The following CACNG3 variants were observed in gnomAD, a reference collection of about 807,000 sequenced individuals.
CACNG3 encodes the protein voltage-dependent calcium channel gamma-3 subunit.
In CACNG3, 3 loss-of-function variants were observed where a neutral mutation model predicts 28.5. The ratio of observed to expected loss-of-function variants is 0.11; its 90% CI spans 0.05 to 0.27. The LOEUF is 0.27. CACNG3 is among the 10% of genes least tolerant of loss of function. The pLI is 1.00. For synonymous variants in CACNG3, 174 were observed against 162.2 expected (o/e 1.07, Z -0.55); for missense variants, 236 against 414.4 (o/e 0.57, Z 3.74).
chr16:24,340,424 G>A (rs756103565), intron 1 of CACNG3, among the ~76,000 whole-genome samples: 8 of 152,050 alleles, frequency 5.3e-5, no homozygotes, highest in Non-Finnish European at 7.4e-5. Context: ...ATAATTTAGT[G>A]TACCTTTTCC....
chr16:24,312,084 G>A (rs545993313), intron 1 of CACNG3, among the ~76,000 whole-genome samples: 1 of 152,332 alleles, frequency 6.6e-6, no homozygotes, highest in Admixed American at 6.5e-5. Context: ...GATGGAGCCA[G>A]ACATTTGTGG....
chr16:24,336,230 A>G (rs557147259), intron 1 of CACNG3, among the ~76,000 whole-genome samples: 52 of 152,030 alleles, frequency 3.4e-4, no homozygotes, highest in East Asian at 9.8e-4. Context: ...GTCTCCAAAA[A>G]AAAGAAAGAA....
chr16:24,282,353 C>T (rs888507738), intron 1 of CACNG3, among the ~76,000 whole-genome samples: 2 of 151,762 alleles, frequency 1.3e-5, no homozygotes, highest in Non-Finnish European at 2.9e-5. Context: ...GGGCTTATTG[C>T]GGGCTAATCC....
chr16:24,361,252 C>A lies in CACNG3; in HGVS notation c.437-100C>A. On this transcript the variant is annotated intron_variant, in intron 3 of 3. Coordinates refer to ENST00000005284, the MANE Select transcript of CACNG3 (RefSeq NM_006539.4). This position sits in a 1 kb window ranked among gnomAD's most constrained non-coding sequence, Gnocchi z 6.8. ...CCAGCTATAATCCATTCTCCTCTCT[C>A]CCCATTACCTCCACATTTTCTATAA... The A allele has an allele frequency of 1.0e-6, 1 of 952,938 alleles. No homozygotes were observed. Among genetic ancestry groups the A allele is most frequent in the Non-Finnish European group, 1.6e-6 (1 of 622,980 alleles). 59.0% of individuals were successfully genotyped at this position (952,938 alleles called of 1,614,324 possible).
At chr16:24,354,791 C>A (rs1466733364) in intron 2 of CACNG3, 42 bp from the exon 3 acceptor site, 1 of 1,598,520 alleles carries the variant, frequency 6.3e-7, no homozygotes, top group Admixed American at 1.7e-5. Context: ...ACCCCAGGGG[C>A]TGGCTGGGCA....
chr16:24,336,801 T>TTTG (rs369517776), intron 1 of CACNG3, among the ~76,000 whole-genome samples: 39 of 152,022 alleles, frequency 2.6e-4, no homozygotes, highest in African/African-American at 7.2e-4. Context: ...GATTTTCTTT[T>TTTG]TTGTTGTTGT....
At chr16:24,340,654 A>T (rs17828058) in intron 1 of CACNG3, among the ~76,000 whole-genome samples, 2 of 152,136 alleles carry the variant, frequency 1.3e-5, no homozygotes, top group Non-Finnish European at 2.9e-5. Context: ...ACGAACTATT[A>T]GTACAATCTT....
At chr16:24,355,468 A>G (rs1900017993) in intron 3 of CACNG3, among the ~76,000 whole-genome samples, 1 of 152,182 alleles carries the variant, frequency 6.6e-6, no homozygotes, top group South Asian at 2.1e-4. Context: ...CTGTGGTCCC[A>G]GCTACTCAGG....
At chr16:24,355,053 C>G (rs1900011408) in intron 3 of CACNG3, 80 bp downstream of exon 3, 2 of 1,387,352 alleles carry the variant, frequency 1.4e-6, no homozygotes, top group East Asian at 4.6e-5. Context: ...CAATGCTACT[C>G]AGGGCTCCCT....
intron 1 of CACNG3, among the ~76,000 whole-genome samples, chr16:24,305,609 A>G (rs1899175416): frequency 6.6e-6 from 1 of 152,124 alleles, no homozygotes; most frequent in Non-Finnish European, 1.5e-5. Context: ...GAACACATGG[A>G]CACAGGGAGG....
intron 3 of CACNG3, among the ~76,000 whole-genome samples, chr16:24,355,807 T>C (rs1900024301): frequency 6.6e-6 from 1 of 152,046 alleles, no homozygotes; most frequent in Non-Finnish European, 1.5e-5. Context: ...TCCAGCCCCA[T>C]CCAGCTTTTG....
At chr16:24,342,684 G>A (rs2141378330) in intron 1 of CACNG3, among the ~76,000 whole-genome samples, 1 of 152,278 alleles carries the variant, frequency 6.6e-6, no homozygotes, top group African/African-American at 2.4e-5. Flanking sequence ...ATGTTATAAT[G>A]AGGAAATTGA....
intron 2 of CACNG3, among the ~76,000 whole-genome samples, chr16:24,352,682 A>G (rs1899968949): frequency 6.6e-6 from 1 of 152,090 alleles, no homozygotes; most frequent in Non-Finnish European, 1.5e-5. Context: ...TGAGAACACA[A>G]GCACACACCA....
rs62029015 is a variant in CACNG3 at position 24,310,940 on chromosome 16, T to C, written c.212-35794T>C. Among the ~76,000 whole-genome samples the C allele has an allele frequency of 4.4e-3, 667 of 152,292 alleles. 3 individuals carry two copies. The highest frequency in any genetic ancestry group is 0.01 in the Middle Eastern group (3 of 294). ...AATTGGCTCCAGGAAGCTACTCTGC[T>C]GAAGATGTTTGAGGTCCAATGGAGG... is the stretch of plus-strand genomic sequence containing the variant. On this transcript the variant is annotated intron_variant, in intron 1 of 3. Coordinates refer to ENST00000005284, the MANE Select transcript of CACNG3 (RefSeq NM_006539.4).
At chr16:24,285,592 G>C (rs748296895) in intron 1 of CACNG3, among the ~76,000 whole-genome samples, 22 of 152,246 alleles carry the variant, frequency 1.4e-4, no homozygotes, top group Non-Finnish European at 2.2e-4. Flanking sequence ...AGCTATTTAA[G>C]AGGCTGAGGC....
At chr16:24,300,827 G>A (rs1019863127) in intron 1 of CACNG3, among the ~76,000 whole-genome samples, 2 of 152,084 alleles carry the variant, frequency 1.3e-5, no homozygotes, top group Admixed American at 6.6e-5. Context: ...GCTAAGGGGG[G>A]CAGATCACAA....
At chr16:24,351,678 G>GAAAGAAAGAAAT (rs1899945413) in intron 2 of CACNG3, among the ~76,000 whole-genome samples, 1 of 142,080 alleles carries the variant, frequency 7.0e-6, no homozygotes, top group Non-Finnish European at 1.5e-5. Context: ...AAGAAAGAAA[G>GAAAGAAAGAAAT]AAAGAAGGAA....
At chr16:24,315,418 T>TCTCCCTCC (rs547493647) in intron 1 of CACNG3, among the ~76,000 whole-genome samples, 2 of 148,548 alleles carry the variant, frequency 1.3e-5, no homozygotes, top group Non-Finnish European at 3.0e-5. Flanking sequence ...CATCATCATC[T>TCTCCCTCC]CTCCCTCCCT....
In CACNG3 at chr16:24,345,681, C is replaced by G. The variant is rs114266513; in HGVS notation, c.212-1053C>G. ...TGCCATTGCAATCCAAACTGGGCGA[C>G]AAGAGAGAAACTCTGTCTCAAACAA... On this transcript the variant is annotated intron_variant, in intron 1 of 3. Transcript: ENST00000005284. 5.7e-3 allele frequency among the ~76,000 whole-genome samples: 868 copies of G among 152,252 alleles called. 11 individuals are homozygous for G. Among genetic ancestry groups the G allele is most frequent in the African/African-American group, 0.019 (787 of 41,538 alleles).
Sources: allele counts gnomAD v4.1 joint callset (sites outside exome capture counted in the v4.1 genomes callset), GRCh38; gene constraint gnomAD v4.1.1; non-coding constraint Gnocchi (gnomAD v3.1); transcripts MANE v1.5; gene names NCBI Gene and HGNC (gene_info 2026-07-23, HGNC 2026-07-21).